Variants in PAX2 observed in about 807,000 individuals in gnomAD.
The protein encoded by PAX2 is paired box 2, also known as paired box protein Pax-2.
PAX2 carries 9 observed loss-of-function variants against 41.7 expected under a neutral mutation model. That is an observed-to-expected ratio of 0.22 (90% CI 0.13 to 0.38). The LOEUF is 0.38. PAX2 is among the 10% of genes least tolerant of loss of function. The pLI is 1.00. For missense variants in PAX2, 418 were observed against 531.6 expected (o/e 0.79, Z 2.10); for synonymous variants, 221 against 212.7 (o/e 1.04, Z -0.34).
At chr10:100,818,419 C>T (rs1848260811) in intron 7 of PAX2, among the ~76,000 whole-genome samples, 1 of 152,186 alleles carries the variant, frequency 6.6e-6, no homozygotes, top group Admixed American at 6.5e-5. Flanking sequence ...TGCTTTGTAT[C>T]ATCCTGTTTA....
intron 3 of PAX2, among the ~76,000 whole-genome samples, chr10:100,773,059 C>A (rs903991096): frequency 6.6e-6 from 1 of 152,180 alleles, no homozygotes; most frequent in Admixed American, 6.5e-5. Context: ...TGTCTCTCCC[C>A]TGGAGGCAGT....
chr10:100,745,705 C>T lies in PAX2; in HGVS notation c.-556C>T, dbSNP rs12249164. ...CGCGGCGGCGTGCGCCTGCCTTTTCCGGGGGCGGGGGCCTGGCCCGCGCGC... is the reference window on the plus strand; with the variant it reads ...CGCGGCGGCGTGCGCCTGCCTTTTCTGGGGGCGGGGGCCTGGCCCGCGCGC... On this transcript the variant is annotated 5_prime_UTR_variant, in exon 1 of 10. Coordinates refer to ENST00000355243, the MANE Select transcript of PAX2 (RefSeq NM_000278.5). 876 of 1,008,472 alleles carry T rather than the reference C, an allele frequency of 8.7e-4. 9 individuals carry two copies. In the African/African-American group the frequency reaches 0.014, roughly 16 times the overall value. 62.5% of individuals were successfully genotyped at this position (1,008,472 alleles called of 1,614,324 possible). A position where few individuals can be genotyped will look rare whatever the true frequency, so the allele number is the denominator to read the frequency against.
intron 5 of PAX2, among the ~76,000 whole-genome samples, chr10:100,797,893 C>T (rs1279627632): frequency 2.0e-5 from 3 of 152,038 alleles, no homozygotes; most frequent in East Asian, 1.9e-4. Context: ...CCCTAGAGGC[C>T]GGTGGGTGTG....
intron 5 of PAX2, among the ~76,000 whole-genome samples, chr10:100,796,951 A>G (rs902830470): frequency 1.3e-5 from 2 of 152,204 alleles, no homozygotes; most frequent in Non-Finnish European, 2.9e-5. Context: ...TTAAATATCT[A>G]AGAGGGAATC....
chr10:100,808,011 G>T (rs1422936003), intron 6 of PAX2, among the ~76,000 whole-genome samples: 1 of 152,174 alleles, frequency 6.6e-6, no homozygotes, highest in African/African-American at 2.4e-5. Context: ...GGGCGGCTCA[G>T]TGCACCCTCC....
rs564147476 is a variant in PAX2 at position 100,826,925 on chromosome 10, G to T, written c.1022-84G>T. 4.4e-5 allele frequency: 40 copies of T among 906,606 alleles called. No individual in the cohort carries two copies. In the African/African-American group the frequency reaches 6.3e-4, roughly 14 times the overall value. The allele number at this position is 906,606 out of a possible 1,614,324, so 56.2% of individuals were successfully genotyped here. Reference sequence around the variant, plus strand: ...CTGCGCCTGAGACCCGGCGGGAGGAGCGGGCGGAGAAGCCACCGGCCGGAC... The same window carrying T: ...CTGCGCCTGAGACCCGGCGGGAGGATCGGGCGGAGAAGCCACCGGCCGGAC... On this transcript the variant is annotated intron_variant, in intron 8 of 9. Coordinates refer to ENST00000355243, the MANE Select transcript of PAX2 (RefSeq NM_000278.5). This position sits in a 1 kb window ranked among gnomAD's most constrained non-coding sequence, Gnocchi z 5.5.
chr10:100,738,381 G>A (rs1292158701), intron 1 of PAX2, among the ~76,000 whole-genome samples: 2 of 152,210 alleles, frequency 1.3e-5, no homozygotes, highest in Non-Finnish European at 2.9e-5. Context: ...TAGGGCAAAG[G>A]GAGAGAGGGA....
intron 7 of PAX2, among the ~76,000 whole-genome samples, chr10:100,819,266 G>A (rs1371232278): frequency 1.3e-5 from 2 of 148,286 alleles, no homozygotes; most frequent in East Asian, 2.0e-4. Context: ...AAAAGGGGGG[G>A]GAGTTTAAAA....
chr10:100,796,588 A>G (rs1299275544), intron 5 of PAX2, among the ~76,000 whole-genome samples: 1 of 152,072 alleles, frequency 6.6e-6, no homozygotes, highest in African/African-American at 2.4e-5. Flanking sequence ...GCAGAATTTC[A>G]TTTTTAGAGC....
At chr10:100,788,228 C>T (rs974626102) in intron 5 of PAX2, among the ~76,000 whole-genome samples, 10 of 152,188 alleles carry the variant, frequency 6.6e-5, no homozygotes, top group Non-Finnish European at 1.0e-4. Context: ...ATAGATAAAC[C>T]AATTACCTGA....
chr10:100,778,024 T>C (rs1846463057), intron 3 of PAX2, among the ~76,000 whole-genome samples: 1 of 152,212 alleles, frequency 6.6e-6, no homozygotes, highest in African/African-American at 2.4e-5. Context: ...CCCTCCCCTC[T>C]ACTTCTTTGT....
chr10:100,790,774 CT>C (rs1847083443), intron 5 of PAX2, among the ~76,000 whole-genome samples: 1 of 152,224 alleles, frequency 6.6e-6, no homozygotes. Context: ...AAAAGGACCC[CT>C]CCTGCCCTGC....
chr10:100,801,969 C>T lies in PAX2; in HGVS notation c.617-4461C>T, dbSNP rs61873481. Among the ~76,000 whole-genome samples, 61 of 152,254 alleles carry T rather than the reference C, an allele frequency of 4.0e-4. 1 individual carries two copies. Among genetic ancestry groups the T allele is most frequent in the Admixed American group, 8.5e-4 (13 of 15,284 alleles). ...CATAGTAGTTCCCTCACAGGGTTGTCGGAAGGATTAAATGAGCTCTGTAAA... is the reference window on the plus strand; with the variant it reads ...CATAGTAGTTCCCTCACAGGGTTGTTGGAAGGATTAAATGAGCTCTGTAAA... On this transcript the variant is annotated intron_variant, in intron 5 of 9. Coordinates refer to ENST00000355243, the MANE Select transcript of PAX2 (RefSeq NM_000278.5).
At chr10:100,819,280 T>A (rs1848302358) in intron 7 of PAX2, among the ~76,000 whole-genome samples, 1 of 138,720 alleles carries the variant, frequency 7.2e-6, no homozygotes. Context: ...TTTAAAAACA[T>A]ATCAATGGCT....
chr10:100,749,125 C>CA (rs1845332007), intron 1 of PAX2: 2 of 985,438 alleles, frequency 2.0e-6, no homozygotes, highest in Non-Finnish European at 2.4e-6. Flanking sequence ...AAAAACTTCC[C>CA]ATCAAAAACA....
chr10:100,805,816 CCT>C (rs1414048584), intron 5 of PAX2, among the ~76,000 whole-genome samples: 3 of 152,188 alleles, frequency 2.0e-5, no homozygotes, highest in African/African-American at 7.2e-5. Flanking sequence ...TCTAGCGACA[CCT>C]CTTTCCTCCC....
chr10:100,773,495 A>G (rs557244302), intron 3 of PAX2, among the ~76,000 whole-genome samples: 2 of 152,310 alleles, frequency 1.3e-5, no homozygotes, highest in East Asian at 1.9e-4. Context: ...TACATAACAT[A>G]ACATAATATG....
intron 7 of PAX2, among the ~76,000 whole-genome samples, chr10:100,810,830 T>C (rs1470317177): frequency 6.6e-6 from 1 of 152,124 alleles, no homozygotes; most frequent in Non-Finnish European, 1.5e-5. Flanking sequence ...TACAGAGAAG[T>C]GCCTCCACCT....
In PAX2 at chr10:100,746,209, G is replaced by C. The variant is rs1209605797; in HGVS notation, c.-52G>C. On this transcript the variant is annotated 5_prime_UTR_variant, in exon 1 of 10. Transcript: ENST00000355243. ...CTCCTCAAGTCCTGAAGTTGAGTTT[G>C]AGAGGCGACACGGCGGCGGCGGCCG... 30 of 1,574,482 alleles carry C rather than the reference G, an allele frequency of 1.9e-5. No homozygotes were observed. The highest frequency in any genetic ancestry group is 3.5e-6 in the Non-Finnish European group (4 of 1,156,426).
Sources: gnomAD v4.1 joint callset for allele counts (sites outside exome capture counted in the v4.1 genomes callset) on GRCh38, gnomAD v4.1.1 for gene constraint, Gnocchi (gnomAD v3.1) non-coding constraint, MANE v1.5 for transcripts, NCBI Gene and HGNC (gene_info 2026-07-23, HGNC 2026-07-21) for gene names.